The following MED16 variants were observed in gnomAD, a reference collection of about 807,000 sequenced individuals.
MED16 encodes the protein mediator complex subunit 16.
Under a neutral mutation model 84.4 loss-of-function variants are expected in MED16, and 81 were observed. The observed-to-expected ratio is 0.96, with a 90% confidence interval of 0.80 to 1.15. The LOEUF is 1.15. Among genes scored for constraint, MED16 ranks in the 50% most tolerant of loss-of-function variants. MED16 has a pLI of 0.00. For missense variants in MED16, 1,585 were observed against 1,245.9 expected, an observed-to-expected ratio of 1.27 and a Z score of -4.10; for synonymous variants, 897 against 552.2, an observed-to-expected ratio of 1.62 and a Z score of -8.76.
intron 1 of MED16, 198 bp downstream of exon 1, chr19:892,881 AGCCCCGC>A (rs568145217): frequency 0.1 from 14,093 of 137,478 alleles, 921 homozygotes; most frequent in East Asian, 0.17. Context: ...CTGAGCCCCG[AGCCCCGC>A]GCCCCGCGCC....
Position 871,995 on chromosome 19 carries a change from T to C in MED16, c.2029A>G (p.Thr677Ala). ...LLKPSCLPVY[T>A]ATSDTQDSMS... ...CTGTCCTGGGTATCCGAGGTGGCCG[T>C]ATACACGGGCAGGCAGCTGGGCTTC... Residue 677 changes from threonine to alanine, a missense_variant, in exon 12 of 16, where the codon ACG becomes GCG. Coordinates refer to ENST00000325464, the MANE Select transcript of MED16 (RefSeq NM_005481.3). 6.2e-7 allele frequency: 1 copy of C among 1,607,226 alleles called. No individual in the cohort carries two copies. Among genetic ancestry groups the C allele is most frequent in the Non-Finnish European group, 8.5e-7 (1 of 1,177,732 alleles).
rs1456674484 is a variant in MED16, at chr19:884,980, C to G, written c.908G>C (p.Ser303Thr). 1 of 1,606,190 alleles carries G rather than the reference C, an allele frequency of 6.2e-7. No individual in the cohort carries two copies. Among genetic ancestry groups the G allele is most frequent in the Non-Finnish European group, 8.5e-7 (1 of 1,178,434 alleles). The change falls in exon 6 of 16, where the codon AGC becomes ACC. Residue 303 changes from serine to threonine, a missense_variant. By Grantham distance (58) the Ser-to-Thr change is moderately conservative (BLOSUM62 1). Coordinates refer to ENST00000325464, the MANE Select transcript of MED16 (RefSeq NM_005481.3). Reference protein sequence around the residue: ...QVLLCASSQTSSIVECWSLRK... With the variant: ...QVLLCASSQTTSIVECWSLRK... The stretch of plus-strand genomic sequence containing the variant: ...CAGGGACCAGCACTCCACGATGCTG[C>G]TGGTCTGGCTGGACGCGCACAAAAG...
intron 6 of MED16, 114 bp downstream of exon 6, chr19:884,788 CT>C: frequency 1.3e-6 from 1 of 770,178 alleles, no homozygotes; most frequent in Non-Finnish European, 2.2e-6. Context: ...GAGACGATCG[CT>C]TAGGGCCGGG....
At chr19:884,664 G>A (rs1010125342) in intron 6 of MED16, among the ~76,000 whole-genome samples, 3 of 152,196 alleles carry the variant, frequency 2.0e-5, no homozygotes, top group Non-Finnish European at 2.9e-5. Context: ...ACAGAATGGT[G>A]GCAGCCGCCG....
chr19:878,913 A>ACCGGCC (rs2036338082), intron 8 of MED16, among the ~76,000 whole-genome samples: 4 of 82,002 alleles, frequency 4.9e-5, no homozygotes, highest in Admixed American at 1.8e-4. Context: ...GTCAATGTCC[A>ACCGGCC]CCAGCCCCGG....
chr19:886,860 G>C lies in MED16; in HGVS notation c.448-659C>G, dbSNP rs537142685. Among the ~76,000 whole-genome samples, 7 of 152,274 alleles carry C rather than the reference G, an allele frequency of 4.6e-5. No individual in the cohort carries two copies. In the South Asian group the frequency reaches 1.4e-3, roughly 32 times the overall value. On this transcript the variant is annotated intron_variant, in intron 4 of 15. Coordinates refer to ENST00000325464, the MANE Select transcript of MED16 (RefSeq NM_005481.3). ...GGGGGCTGAGGCAGGTGGATCCCCT[G>C]AGGTCAGCAGTTCAAGACCAGCCTG...
intron 10 of MED16, 56 bp downstream of exon 10, chr19:875,188 A>T: frequency 2.5e-6 from 3 of 1,201,378 alleles, no homozygotes; most frequent in Non-Finnish European, 3.4e-6. Context: ...AATAAATAAA[A>T]ATAAAATAAA....
At chr19:886,283 A>G in intron 4 of MED16, 82 bp from the exon 5 acceptor site, 2 of 1,220,172 alleles carry the variant, frequency 1.6e-6, no homozygotes, top group South Asian at 3.2e-5. Context: ...CGCGCACAGA[A>G]GAACCACGCA....
At chr19:873,932 G>A (rs961912804) in intron 10 of MED16, among the ~76,000 whole-genome samples, 1 of 152,172 alleles carries the variant, frequency 6.6e-6, no homozygotes, top group African/African-American at 2.4e-5. Context: ...ACAGGGGCAT[G>A]TCCACAGCGT....
At chr19:890,936 G>A (rs768197115) in intron 2 of MED16, 27 bp downstream of exon 2, 4 of 1,606,946 alleles carry the variant, frequency 2.5e-6, no homozygotes, top group Admixed American at 3.4e-5. Context: ...GCGGCCGGGA[G>A]GGGAAGCAGG....
rs2036143540 is a variant in MED16 at position 873,353 on chromosome 19, C to A, written c.1905+96G>T. On this transcript the variant is annotated intron_variant, in intron 11 of 15. Transcript: ENST00000325464. Reference sequence around the variant, plus strand: ...GGCGGGACTCCAACTAGGGGCGGGGCTGAGGTGGTTTTGAGGGGCAGGGGC... The same window carrying A: ...GGCGGGACTCCAACTAGGGGCGGGGATGAGGTGGTTTTGAGGGGCAGGGGC... The A allele has an allele frequency of 4.5e-6, 5 of 1,099,734 alleles. No individual in the cohort carries two copies. In the Admixed American group the frequency reaches 1.1e-4, roughly 24 times the overall value. The allele number at this position is 1,099,734 out of a possible 1,614,324, so 68.1% of individuals were successfully genotyped here. A position where few individuals can be genotyped will look rare whatever the true frequency, so the allele number is the denominator to read the frequency against.
intron 7 of MED16, among the ~76,000 whole-genome samples, chr19:880,952 G>T (rs953598004): frequency 6.6e-6 from 1 of 151,848 alleles, no homozygotes; most frequent in African/African-American, 2.4e-5. Context: ...AAAAAATAGA[G>T]CCTGGAAAAT....
Position 881,682 on chromosome 19 carries a change from G to T in MED16, c.1018C>A (p.Arg340=). Residue 340 remains arginine, a synonymous_variant, in exon 7 of 16, where the codon CGG becomes AGG. Transcript: ENST00000325464. ...AGATCGTTGGTGGCCGATAGGATCC[G>T]CCATTTGAGAATTGTGGGCTGTTTG... is the stretch of plus-strand genomic sequence containing the variant. ...GDKQPTILKW[R]ILSATNDLDR... is the part of the protein sequence containing the mutation. 1 of 1,611,884 alleles carries T rather than the reference G, an allele frequency of 6.2e-7. No homozygotes were observed. Among genetic ancestry groups the T allele is most frequent in the Non-Finnish European group, 8.5e-7 (1 of 1,179,452 alleles).
At chr19:868,775 C>G (rs921320510) in intron 14 of MED16, 88 bp downstream of exon 14, 7 of 1,380,384 alleles carry the variant, frequency 5.1e-6, no homozygotes, top group Non-Finnish European at 6.9e-6. Context: ...CACCCTTGAC[C>G]GTCTGGAGCG....
chr19:872,303 C>T lies in MED16; in HGVS notation c.1906-185G>A, dbSNP rs553642822. Among the ~76,000 whole-genome samples the T allele has an allele frequency of 4.6e-5, 7 of 152,102 alleles. No individual in the cohort carries two copies. The South Asian group carries it at 1.5e-3, about 32-fold the overall frequency. On this transcript the variant is annotated intron_variant, in intron 11 of 15. Transcript: ENST00000325464. The stretch of plus-strand genomic sequence containing the variant: ...GATGCCGGGGACGCTGCTCAGAGCC[C>T]TGCAGGGCCCAGGACAGCCCCATTT...
intron 9 of MED16, among the ~76,000 whole-genome samples, 176 bp from the exon 10 acceptor site, chr19:875,630 A>G (rs1403169482): frequency 6.6e-6 from 1 of 152,222 alleles, no homozygotes; most frequent in Non-Finnish European, 1.5e-5. Context: ...GACCAGGCGC[A>G]CAGGACCAGG....
rs139834365 is a variant in MED16, at chr19:868,925, G to C, written c.2337C>G (p.Ile779Met). 3.2e-6 allele frequency: 5 copies of C among 1,547,244 alleles called. No homozygotes were observed. The highest frequency in any genetic ancestry group is 1.2e-5 in the South Asian group (1 of 84,254). Residue 779 changes from isoleucine to methionine, a missense_variant, in exon 14 of 16, where the codon ATC becomes ATG. Coordinates refer to ENST00000325464, the MANE Select transcript of MED16 (RefSeq NM_005481.3). ...CAAGGTGCAGCCTCCGCAGGTGGTC[G>C]ATCTTGGGCTGGCCTGGGGCCCTGG... ...GLARAPGQPK[I>M]DHLRRLHLGA... is the part of the protein sequence containing the mutation.
rs1485154081 is a variant in MED16 at position 871,969 on chromosome 19, G to A, written c.2055C>T (p.Ser685=). 7 of 1,607,256 alleles carry A rather than the reference G, an allele frequency of 4.4e-6. 1 individual carries two copies. In the South Asian group the frequency reaches 6.6e-5, roughly 15 times the overall value. ...TGAGCAGGCGGAAGAGCAGGGACATGCTGTCCTGGGTATCCGAGGTGGCCG... is the reference window on the plus strand; with the variant it reads ...TGAGCAGGCGGAAGAGCAGGGACATACTGTCCTGGGTATCCGAGGTGGCCG... ...VYTATSDTQD[S]MSLLFRLLTK... Residue 685 remains serine, a synonymous_variant, in exon 12 of 16, where the codon AGC becomes AGT. Transcript: ENST00000325464.
rs1400603082 is a variant in MED16, at chr19:881,596, G to A, written c.1104C>T (p.Leu368=). Residue 368 remains leucine (L), a synonymous_variant, in exon 7 of 16, where the codon CTC becomes CTT. Transcript: ENST00000325464. ...KLPISLTNTD[L]KVASDTQFYP... is the part of the protein sequence containing the mutation. ...AGAACTGTGTGTCGCTGGCCACCTTGAGGTCGGTGTTGGTGAGCGAGATGG... is the reference window on the plus strand; with the variant it reads ...AGAACTGTGTGTCGCTGGCCACCTTAAGGTCGGTGTTGGTGAGCGAGATGG... 6.2e-7 allele frequency: 1 copy of A among 1,612,526 alleles called. No individual in the cohort carries two copies. The highest frequency in any genetic ancestry group is 1.7e-5 in the Admixed American group (1 of 59,998).
Sources: allele counts gnomAD v4.1 joint callset (sites outside exome capture counted in the v4.1 genomes callset), GRCh38; gene constraint gnomAD v4.1.1; transcripts MANE v1.5; gene names NCBI Gene and HGNC (gene_info 2026-07-23, HGNC 2026-07-21).